The following DGKD variants were observed in gnomAD, a reference collection of about 807,000 sequenced individuals.
The protein encoded by DGKD is diacylglycerol kinase delta.
A neutral mutation model predicts 154.4 loss-of-function variants in DGKD; 68 were observed. That is an observed-to-expected ratio of 0.44 (90% CI 0.36 to 0.54). The LOEUF (loss-of-function observed/expected upper bound fraction) is 0.54, where lower values mean the gene tolerates loss of function less well. DGKD is among the 20% of genes least tolerant of loss of function. The probability of loss-of-function intolerance (pLI) is 0.00; values close to 1 mark genes in which losing one functional copy is unlikely to be tolerated. For missense variants in DGKD, 1,343 were observed against 1,593.6 expected, an observed-to-expected ratio of 0.84 and a Z score of 2.68; for synonymous variants, 693 against 638.0, an observed-to-expected ratio of 1.09 and a Z score of -1.30.
Position 233,450,043 on chromosome 2 carries a change from G to C in DGKD, c.1950G>C (p.Glu650Asp), listed in dbSNP as rs775811416. The C allele has an allele frequency of 1.2e-6, 2 of 1,613,882 alleles. No individual in the cohort carries two copies. The highest frequency in any genetic ancestry group is 2.2e-5 in the South Asian group (2 of 91,082). ...AGGGCTTCGTCCTGGGCCTCTCTGA[G>C]TCAGAGGAGAAGATGGACCACAGAG... ...EQEGFVLGLS[E>D]SEEKMDHRVC... Residue 650 changes from glutamate to aspartate, a missense_variant, in exon 16 of 30, where the codon GAG (glutamate) becomes GAC (aspartate). By Grantham distance (45) the Glu-to-Asp change is conservative. Around this residue, in one of 6 missense-constraint regions of DGKD, gnomAD observed 409 missense variants for 446.0 expected, o/e 0.92. Coordinates refer to ENST00000264057, the MANE Select transcript of DGKD (RefSeq NM_152879.3).
Position 233,460,245 on chromosome 2 carries a change from C to T in DGKD, c.2881C>T (p.Pro961Ser), listed in dbSNP as rs778458500. Residue 961 changes from proline (P) to serine (S), a missense_variant, in exon 24 of 30, where the codon CCC (proline) becomes TCC (serine). By Grantham distance (74) the Pro-to-Ser change is moderately conservative. This residue lies in a region of DGKD where 429 missense variants were observed against 496.3 expected (regional missense o/e 0.86). Coordinates refer to ENST00000264057, the MANE Select transcript of DGKD (RefSeq NM_152879.3). Reference sequence around the variant, plus strand: ...GGAAGACAAGCAGAAGTGCGAGCTGCCCCGCCCTCCATCCTGTTCCCTGCA... The same window carrying T: ...GGAAGACAAGCAGAAGTGCGAGCTGTCCCGCCCTCCATCCTGTTCCCTGCA... ...SWEDKQKCEL[P>S]RPPSCSLHPE... is the part of the protein sequence containing the mutation. The T allele has an allele frequency of 1.2e-6, 2 of 1,613,960 alleles. No homozygotes were observed. Among genetic ancestry groups the T allele is most frequent in the Non-Finnish European group, 8.5e-7 (1 of 1,179,980 alleles).
At chr2:233,462,513 G>A (rs2063680666) in intron 25 of DGKD, 54 bp downstream of exon 25, 14 of 1,552,398 alleles carry the variant, frequency 9.0e-6, no homozygotes, top group Non-Finnish European at 1.1e-5. Context: ...TGCCGCCCTC[G>A]GCCCTCCCCG....
chr2:233,362,928 T>C (rs1429004728), intron 1 of DGKD, among the ~76,000 whole-genome samples: 1 of 152,222 alleles, frequency 6.6e-6, no homozygotes, highest in Non-Finnish European at 1.5e-5. Context: ...GTGTTTGTGG[T>C]GATGCTGGTG....
At chr2:233,461,274 T>G (rs1440467182) in intron 24 of DGKD, among the ~76,000 whole-genome samples, 1 of 152,208 alleles carries the variant, frequency 6.6e-6, no homozygotes, top group African/African-American at 2.4e-5. Context: ...CTTTCTTGTT[T>G]CCCCTGGGCT....
intron 3 of DGKD, among the ~76,000 whole-genome samples, chr2:233,432,731 G>A (rs755994566): frequency 9.2e-5 from 14 of 151,982 alleles, no homozygotes; most frequent in East Asian, 1.9e-4. Flanking sequence ...AGAATAAATC[G>A]AGAGCTCAAA....
At chr2:233,388,062 AC>A in intron 1 of DGKD, 194 bp from the exon 2 acceptor site, 1 of 1,271,810 alleles carries the variant, frequency 7.9e-7, no homozygotes, top group Admixed American at 3.1e-5. Flanking sequence ...CCCTTAGAGG[AC>A]AGGATTGGTG....
chr2:233,388,315 G>C lies in DGKD; in HGVS notation c.215G>C (p.Arg72Thr). ...AACAATTCATTCCAGCGATCAAAAA[G>C]GAGATACTTTAAGCTTCGAGGGCGA... ...KQNNSFQRSK[R>T]RYFKLRGRTL... Residue 72 changes from arginine to threonine, a missense_variant, in exon 2 of 30, where the codon AGG becomes ACG. Arg to Thr is a moderately conservative substitution (Grantham distance 71). Transcript: ENST00000264057. 1 of 1,614,162 alleles carries C rather than the reference G, an allele frequency of 6.2e-7. No individual in the cohort carries two copies. The highest frequency in any genetic ancestry group is 8.5e-7 in the Non-Finnish European group (1 of 1,180,036).
intron 1 of DGKD, among the ~76,000 whole-genome samples, chr2:233,386,552 A>AGGGGGT (rs1224350513): frequency 3.3e-3 from 12 of 3,590 alleles, no homozygotes; most frequent in African/African-American, 0.019. Flanking sequence ...TCTCTAGGGG[A>AGGGGGT]GGGGGTGGGG....
chr2:233,409,507 GTT>G (rs1051748969), intron 3 of DGKD, among the ~76,000 whole-genome samples: 1 of 145,042 alleles, frequency 6.9e-6, no homozygotes. Context: ...CGTCTGTCTG[GTT>G]TTTTTTTTTC....
At chr2:233,461,440 A>G (rs1346477754) in intron 24 of DGKD, among the ~76,000 whole-genome samples, 2 of 152,158 alleles carry the variant, frequency 1.3e-5, no homozygotes, top group Non-Finnish European at 2.9e-5. Flanking sequence ...CCCAGTCATC[A>G]CCGGCGTTCC....
chr2:233,369,176 A>G (rs1702187747), intron 1 of DGKD, among the ~76,000 whole-genome samples: 1 of 152,146 alleles, frequency 6.6e-6, no homozygotes, highest in Non-Finnish European at 1.5e-5. Context: ...TCTGTAGGTT[A>G]GACCATCTGT....
At chr2:233,460,045 A>G in intron 23 of DGKD, 149 bp from the exon 24 acceptor site, 1 of 1,449,584 alleles carries the variant, frequency 6.9e-7, no homozygotes, top group Non-Finnish European at 9.1e-7. Context: ...AGTAATTTCT[A>G]GGACCATCTC....
intron 1 of DGKD, among the ~76,000 whole-genome samples, chr2:233,377,131 G>GGA (rs1385641947): frequency 6.9e-6 from 1 of 145,480 alleles, no homozygotes; most frequent in Non-Finnish European, 1.5e-5. Flanking sequence ...CACCCAGGCA[G>GGA]GAGAGCAATG....
intron 4 of DGKD, 104 bp from the exon 5 acceptor site, chr2:233,434,665 C>T: frequency 6.5e-7 from 1 of 1,535,616 alleles, no homozygotes; most frequent in Non-Finnish European, 8.8e-7. Flanking sequence ...ATAAACCTTC[C>T]TCCTCTCCTC....
chr2:233,379,690 A>G (rs1702783206), intron 1 of DGKD, among the ~76,000 whole-genome samples: 1 of 152,204 alleles, frequency 6.6e-6, no homozygotes, highest in Non-Finnish European at 1.5e-5. Flanking sequence ...GACAGAGAAC[A>G]AACTTGGTGT....
intron 1 of DGKD, among the ~76,000 whole-genome samples, chr2:233,365,783 C>G (rs1252715307): frequency 1.3e-5 from 2 of 152,062 alleles, no homozygotes; most frequent in Non-Finnish European, 2.9e-5. Context: ...ATGTCTATTT[C>G]TAAGTAATTT....
intron 26 of DGKD, among the ~76,000 whole-genome samples, chr2:233,463,416 C>A (rs1459173256): frequency 6.9e-6 from 1 of 145,644 alleles, no homozygotes; most frequent in Non-Finnish European, 1.5e-5. Flanking sequence ...CACGCATCTC[C>A]TCACTCCACG....
At chr2:233,463,797 C>T in intron 26 of DGKD, 1 of 288,760 alleles carries the variant, frequency 3.5e-6, no homozygotes, top group South Asian at 4.3e-5. Context: ...CCTCACTGCA[C>T]ACCTCCTGCT....
Position 233,467,219 on chromosome 2 carries a change from C to T in DGKD, c.3424+16C>T, listed in dbSNP as rs368009933. 230 of 1,576,548 alleles carry T rather than the reference C, an allele frequency of 1.5e-4. No individual in the cohort carries two copies. Among genetic ancestry groups the T allele is most frequent in the Non-Finnish European group, 2.0e-4 (225 of 1,145,888 alleles). On this transcript the variant is annotated intron_variant, in intron 28 of 29. Coordinates refer to ENST00000264057, the MANE Select transcript of DGKD (RefSeq NM_152879.3). ...GGAGCCCCGGGTACCTGCCTCTCTCCCGCGTGTGTTTCTGGCCGTCCACGC... is the reference window on the plus strand; with the variant it reads ...GGAGCCCCGGGTACCTGCCTCTCTCTCGCGTGTGTTTCTGGCCGTCCACGC...
Sources: allele counts gnomAD v4.1 joint callset (sites outside exome capture counted in the v4.1 genomes callset), GRCh38; gene constraint gnomAD v4.1.1; regional missense constraint gnomAD v4.1.1; transcripts MANE v1.5; gene names NCBI Gene and HGNC (gene_info 2026-07-23, HGNC 2026-07-21).